KCNH8: variants seen among roughly 807,000 people sequenced by gnomAD.
KCNH8 encodes the protein voltage-gated delayed rectifier potassium channel KCNH8.
A neutral mutation model predicts 103.6 loss-of-function variants in KCNH8; 70 were observed. That is an observed-to-expected ratio of 0.68 (90% confidence interval 0.56 to 0.82). KCNH8 has a LOEUF of 0.82. Among genes scored for constraint, KCNH8 ranks in the 40% least tolerant of loss-of-function variants. KCNH8 has a pLI of 0.00. For synonymous variants in KCNH8, 498 were observed against 489.4 expected, an observed-to-expected ratio of 1.02 and a Z score of -0.23; for missense variants, 1,217 against 1,329.9, an observed-to-expected ratio of 0.92 and a Z score of 1.32.
At chr3:19,229,417 C>T (rs1272885461) in intron 1 of KCNH8, among the ~76,000 whole-genome samples, 1 of 152,176 alleles carries the variant, frequency 6.6e-6, no homozygotes, top group Non-Finnish European at 1.5e-5. Flanking sequence ...GTTCCCAAAC[C>T]TCAATTCTTG....
chr3:19,427,846 A>G (rs1477088435), intron 7 of KCNH8, among the ~76,000 whole-genome samples: 3 of 152,214 alleles, frequency 2.0e-5, no homozygotes, highest in Non-Finnish European at 2.9e-5. Context: ...TGATGGAGAC[A>G]GTAAGTAGAC....
At chr3:19,287,284 G>A (rs1360366356) in intron 3 of KCNH8, among the ~76,000 whole-genome samples, 1 of 152,032 alleles carries the variant, frequency 6.6e-6, no homozygotes, top group Non-Finnish European at 1.5e-5. Flanking sequence ...AGAGAAAAAC[G>A]GAACCAGACA....
chr3:19,284,212 C>T (rs2064796491), intron 3 of KCNH8, among the ~76,000 whole-genome samples: 1 of 151,826 alleles, frequency 6.6e-6, no homozygotes. Context: ...CACTAAAGTT[C>T]ATCTAAGTTG....
At chr3:19,280,107 C>T (rs80227617) in intron 2 of KCNH8, among the ~76,000 whole-genome samples, 4,790 of 152,006 alleles carry the variant, frequency 0.032, 219 homozygotes, top group African/African-American at 0.096. Context: ...GTAGGAAATA[C>T]AGTGCAAGAT....
At chr3:19,474,756 C>T (rs571170006) in intron 11 of KCNH8, among the ~76,000 whole-genome samples, 20 of 152,322 alleles carry the variant, frequency 1.3e-4, no homozygotes, top group African/African-American at 4.8e-4. Flanking sequence ...GAAAGCGGAA[C>T]ATATGATGAC....
At chr3:19,410,817 G>A (rs1383125596) in intron 7 of KCNH8, among the ~76,000 whole-genome samples, 1 of 141,538 alleles carries the variant, frequency 7.1e-6, no homozygotes, top group Non-Finnish European at 1.5e-5. Context: ...GGAAGAAAAT[G>A]AACACTGAAC....
chr3:19,359,048 T>C (rs1184360724), intron 5 of KCNH8, among the ~76,000 whole-genome samples: 1 of 151,788 alleles, frequency 6.6e-6, no homozygotes, highest in Non-Finnish European at 1.5e-5. Context: ...ATGACAAATA[T>C]TCAAATGTAA....
At chr3:19,173,627 TACACACACACCC>T (rs1161780971) in intron 1 of KCNH8, among the ~76,000 whole-genome samples, 3 of 151,834 alleles carry the variant, frequency 2.0e-5, no homozygotes, top group Admixed American at 6.6e-5. Context: ...GGCATAAACC[TACACACACACCC>T]ACACACACAC....
intron 2 of KCNH8, among the ~76,000 whole-genome samples, chr3:19,257,898 C>T (rs1456718180): frequency 3.3e-5 from 5 of 152,020 alleles, no homozygotes; most frequent in South Asian, 2.1e-4. Flanking sequence ...GAATCTCTCC[C>T]GTGCCTCTCA....
At chr3:19,244,087 T>A (rs2125246811) in intron 1 of KCNH8, among the ~76,000 whole-genome samples, 1 of 152,236 alleles carries the variant, frequency 6.6e-6, no homozygotes, top group East Asian at 1.9e-4. Flanking sequence ...AGGTATAAAA[T>A]TAAAACCACA....
intron 7 of KCNH8, among the ~76,000 whole-genome samples, chr3:19,408,320 A>C (rs2066725445): frequency 6.6e-6 from 1 of 151,862 alleles, no homozygotes; most frequent in Non-Finnish European, 1.5e-5. Context: ...AGGGAAAGAA[A>C]ATAATAATAA....
chr3:19,150,109 C>G (rs1445665165), intron 1 of KCNH8, among the ~76,000 whole-genome samples: 1 of 152,124 alleles, frequency 6.6e-6, no homozygotes, highest in East Asian at 1.9e-4. Context: ...TCTAGCCATT[C>G]TTTTCCCTTT....
At chr3:19,247,132 A>G (rs184227153) in intron 1 of KCNH8, among the ~76,000 whole-genome samples, 303 of 152,326 alleles carry the variant, frequency 2.0e-3, no homozygotes, top group Non-Finnish European at 3.1e-3. Context: ...GAAGCCTGAT[A>G]CTGGATGATG....
intron 1 of KCNH8, among the ~76,000 whole-genome samples, chr3:19,164,439 A>C (rs1192780405): frequency 6.6e-6 from 1 of 152,230 alleles, no homozygotes; most frequent in Non-Finnish European, 1.5e-5. Context: ...TAGTTAATTT[A>C]ATCTCAACAA....
At chr3:19,396,668 AAGAG>A (rs773187574) in intron 7 of KCNH8, among the ~76,000 whole-genome samples, 14 of 152,030 alleles carry the variant, frequency 9.2e-5, no homozygotes, top group African/African-American at 2.7e-4. Context: ...GAGAAGGAGA[AAGAG>A]AGAGAGAAGA....
intron 3 of KCNH8, among the ~76,000 whole-genome samples, chr3:19,336,921 G>C (rs533271058): frequency 3.3e-5 from 5 of 152,086 alleles, no homozygotes; most frequent in Non-Finnish European, 5.9e-5. Context: ...ACTGGAGAGA[G>C]AGTATATTTC....
chr3:19,511,403 T>C (rs2068781328), intron 12 of KCNH8, among the ~76,000 whole-genome samples: 1 of 152,174 alleles, frequency 6.6e-6, no homozygotes, highest in African/African-American at 2.4e-5. Context: ...TATTAGAGAA[T>C]TCAATTAGAG....
intron 1 of KCNH8, among the ~76,000 whole-genome samples, chr3:19,168,180 T>TTTTG (rs1202698125): frequency 1.4e-4 from 22 of 151,870 alleles, no homozygotes; most frequent in African/African-American, 3.1e-4. Context: ...CAGCTAACTT[T>TTTTG]TTTGTTTGTT....
intron 7 of KCNH8, among the ~76,000 whole-genome samples, chr3:19,424,084 A>G (rs1352659209): frequency 1.3e-5 from 2 of 152,152 alleles, no homozygotes; most frequent in Non-Finnish European, 2.9e-5. Context: ...TACCATCATT[A>G]TTCTTCAAAG....
Sources: gnomAD v4.1 joint callset for allele counts (sites outside exome capture counted in the v4.1 genomes callset) on GRCh38, gnomAD v4.1.1 for gene constraint, MANE v1.5 for transcripts, NCBI Gene and HGNC (gene_info 2026-07-23, HGNC 2026-07-21) for gene names.